The following ARHGEF10 variants were observed in gnomAD, a reference collection of about 807,000 sequenced individuals.
ARHGEF10 encodes the protein Rho guanine nucleotide exchange factor (GEF) 10.
In ARHGEF10, 140 loss-of-function variants were observed where a neutral mutation model predicts 147.4. The ratio of observed to expected loss-of-function variants is 0.95; its 90% CI spans 0.83 to 1.09. ARHGEF10 has a LOEUF of 1.09. Ranked by LOEUF, ARHGEF10 falls within the 50% of genes least tolerant of loss-of-function variation. ARHGEF10 has a pLI of 0.00. For synonymous variants in ARHGEF10, 902 were observed against 695.8 expected, an observed-to-expected ratio of 1.30 and a Z score of -4.67; for missense variants, 2,222 against 1,752.7, an observed-to-expected ratio of 1.27 and a Z score of -4.78.
At chr8:1,858,537 A>T (rs187297913) in intron 3 of ARHGEF10, among the ~76,000 whole-genome samples, 2 of 152,330 alleles carry the variant, frequency 1.3e-5, no homozygotes, top group East Asian at 1.9e-4. Context: ...CTATTTCCCA[A>T]TAAGAATGAC....
chr8:1,844,956 C>T (rs767020270), intron 2 of ARHGEF10, among the ~76,000 whole-genome samples: 1 of 152,088 alleles, frequency 6.6e-6, no homozygotes, highest in African/African-American at 2.4e-5. Flanking sequence ...AATAATTAGA[C>T]CCCATCTCTG....
intron 1 of ARHGEF10, among the ~76,000 whole-genome samples, chr8:1,830,161 G>T (rs1337742847): frequency 6.6e-6 from 1 of 152,216 alleles, no homozygotes; most frequent in Non-Finnish European, 1.5e-5. Flanking sequence ...AGTATCAGAC[G>T]AAGGCAGGGG....
rs749096672 is a variant in ARHGEF10 at position 1,882,743 on chromosome 8, G to C, written c.1069G>C (p.Ala357Pro). Residue 357 changes from alanine to proline, a missense_variant, in exon 10 of 29, where the codon GCA becomes CCA. By Grantham distance (27) the Ala-to-Pro change is conservative. Transcript: ENST00000349830. ...RSFIRTKSLI[A>P]QDHRSSLEEE... ...CTTCATCAGGACCAAGTCTCTCATCGCACAGGGTCCGTGCCTGCAGGTCTT... is the reference window on the plus strand; with the variant it reads ...CTTCATCAGGACCAAGTCTCTCATCCCACAGGGTCCGTGCCTGCAGGTCTT... 2.7e-6 allele frequency: 4 copies of C among 1,485,866 alleles called. No individual in the cohort carries two copies. In the African/African-American group the frequency reaches 4.3e-5, roughly 16 times the overall value. 92.0% of individuals were successfully genotyped at this position (1,485,866 alleles called of 1,614,324 possible).
At chr8:1,836,667 GC>G (rs1472257340) in intron 1 of ARHGEF10, among the ~76,000 whole-genome samples, 1 of 152,176 alleles carries the variant, frequency 6.6e-6, no homozygotes, top group Non-Finnish European at 1.5e-5. Flanking sequence ...GGGAGCACAG[GC>G]AGCTCTGAGT....
At chr8:1,921,669 A>G (rs1563288718) in intron 18 of ARHGEF10, among the ~76,000 whole-genome samples, 1 of 152,090 alleles carries the variant, frequency 6.6e-6, no homozygotes, top group East Asian at 1.9e-4. Flanking sequence ...CGGGAGGCAG[A>G]GGTTGCAGTG....
chr8:1,827,387 C>T (rs536101708), intron 1 of ARHGEF10, among the ~76,000 whole-genome samples: 14 of 152,134 alleles, frequency 9.2e-5, no homozygotes, highest in Non-Finnish European at 1.6e-4. Flanking sequence ...CGGCTTGCTG[C>T]AGTCTTTGCT....
chr8:1,929,496 C>G (rs1812945599), intron 25 of ARHGEF10, 53 bp downstream of exon 25: 2 of 1,550,290 alleles, frequency 1.3e-6, no homozygotes, highest in Non-Finnish European at 8.7e-7. Flanking sequence ...ACTCAGGGGA[C>G]TGTGCATCCG....
At chr8:1,833,523 C>G (rs994841924) in intron 1 of ARHGEF10, among the ~76,000 whole-genome samples, 5 of 152,204 alleles carry the variant, frequency 3.3e-5, no homozygotes, top group Non-Finnish European at 7.4e-5. Flanking sequence ...ACTGCATCCG[C>G]CCCAAGCACG....
chr8:1,842,265 AG>A (rs1804154518), intron 1 of ARHGEF10, among the ~76,000 whole-genome samples: 1 of 152,006 alleles, frequency 6.6e-6, no homozygotes, highest in African/African-American at 2.4e-5. Context: ...GGTTGGGGGC[AG>A]GGTCCCACTG....
At chr8:1,903,182 C>T (rs1407702603) in intron 15 of ARHGEF10, 99 bp from the exon 16 acceptor site, 3 of 1,446,200 alleles carry the variant, frequency 2.1e-6, no homozygotes, top group Non-Finnish European at 2.9e-6. Context: ...TGGCAGATGC[C>T]ACTGCCTCCT....
At chr8:1,914,852 A>C (rs1298998281) in intron 18 of ARHGEF10, among the ~76,000 whole-genome samples, 1 of 152,220 alleles carries the variant, frequency 6.6e-6, no homozygotes, top group African/African-American at 2.4e-5. Flanking sequence ...TACTGAGAGC[A>C]AACACACCAC....
At chr8:1,892,261 T>C (rs1183475976) in intron 11 of ARHGEF10, among the ~76,000 whole-genome samples, 1 of 143,090 alleles carries the variant, frequency 7.0e-6, no homozygotes, top group Non-Finnish European at 1.5e-5. Flanking sequence ...CAGCTGCAGC[T>C]TCCCAGCTTC....
At chr8:1,938,987 C>T (rs1312425375) in intron 26 of ARHGEF10, among the ~76,000 whole-genome samples, 1 of 143,784 alleles carries the variant, frequency 7.0e-6, no homozygotes, top group Non-Finnish European at 1.5e-5. Flanking sequence ...CCCCCAGAGA[C>T]CCCCGAACAC....
At chr8:1,873,465 TTGCG>T (rs1264676093) in intron 7 of ARHGEF10, among the ~76,000 whole-genome samples, 3 of 150,650 alleles carry the variant, frequency 2.0e-5, no homozygotes, top group South Asian at 2.1e-4. Context: ...CATTTCCTCG[TTGCG>T]TTGAGAGGCG....
rs781624219 is a variant in ARHGEF10 at position 1,957,155 on chromosome 8, C to T, written c.3927C>T (p.Val1309=). Residue 1309 remains valine, a synonymous_variant, in exon 29 of 29, where the codon GTC becomes GTT. Coordinates refer to ENST00000349830, the MANE Select transcript of ARHGEF10 (RefSeq NM_014629.4). ...CCAAGGCCAGCTCGGCGCTGGTGGT[C>T]TGTGGAGGGCAGGGCCACCGCCGGG... is the stretch of plus-strand genomic sequence containing the variant. ...KKAKASSALV[V]CGGQGHRRVH... 1 of 1,612,760 alleles carries T rather than the reference C, an allele frequency of 6.2e-7. No individual in the cohort carries two copies.
rs181841159 is a variant in ARHGEF10, at chr8:1,917,453, C to T, written c.2144-5511C>T. ...CCCAGGCATGGAGGTTCTCAGGGAC[C>T]GAGCACACCCCCAGGGGCTTTTCCA... On this transcript the variant is annotated intron_variant, in intron 18 of 28. Transcript: ENST00000349830. 7.9e-4 allele frequency among the ~76,000 whole-genome samples: 121 copies of T among 152,248 alleles called. 1 individual carries two copies. The highest frequency in any genetic ancestry group is 3.6e-3 in the Admixed American group (55 of 15,302).
chr8:1,837,312 G>T (rs1450275759), intron 1 of ARHGEF10, among the ~76,000 whole-genome samples: 1 of 152,248 alleles, frequency 6.6e-6, no homozygotes, highest in Non-Finnish European at 1.5e-5. Flanking sequence ...TTGCAGAGCT[G>T]ATGCAGGCAG....
In ARHGEF10 at chr8:1,956,943, G is replaced by T. The variant is rs373928792; in HGVS notation, c.3715G>T (p.Ala1239Ser). The change falls in exon 29 of 29, where the codon GCA becomes TCA. Residue 1239 changes from alanine (A) to serine (S), a missense_variant. Coordinates refer to ENST00000349830, the MANE Select transcript of ARHGEF10 (RefSeq NM_014629.4). ...ATCTCTGAGCCAGGGTGACCCTGAC[G>T]CAGCCATCTGGTTGGGAGATTCGCT... ...GSSLSQGDPDAAIWLGDSLGS... is the reference protein window; with the variant it reads ...GSSLSQGDPDSAIWLGDSLGS... The T allele has an allele frequency of 8.7e-6, 14 of 1,614,066 alleles. No homozygotes were observed. The African/African-American group carries it at 9.3e-5, about 11-fold the overall frequency.
intron 15 of ARHGEF10, among the ~76,000 whole-genome samples, chr8:1,901,508 T>C (rs1205793090): frequency 6.6e-6 from 1 of 152,244 alleles, no homozygotes; most frequent in Non-Finnish European, 1.5e-5. Context: ...GTGACATTTG[T>C]CTTTATCCCA....
Sources: gnomAD v4.1 joint callset for allele counts (sites outside exome capture counted in the v4.1 genomes callset) on GRCh38, gnomAD v4.1.1 for gene constraint, MANE v1.5 for transcripts, NCBI Gene and HGNC (gene_info 2026-07-23, HGNC 2026-07-21) for gene names.